REV3L: variants seen among roughly 807,000 people sequenced by gnomAD.
The protein encoded by REV3L is REV3 like, DNA directed polymerase zeta catalytic subunit, also known as DNA polymerase zeta catalytic subunit.
In REV3L, 69 loss-of-function variants were observed where a neutral mutation model predicts 299.4. The ratio of observed to expected loss-of-function variants is 0.23; its 90% confidence interval spans 0.19 to 0.28. REV3L has a LOEUF of 0.28. Among genes scored for constraint, REV3L ranks in the 10% least tolerant of loss-of-function variants. REV3L has a pLI of 1.00. For missense variants in REV3L, 3,128 were observed against 3,693.8 expected (o/e 0.85, Z 3.97); for synonymous variants, 1,238 against 1,271.4 (o/e 0.97, Z 0.56).
intron 25 of REV3L, among the ~76,000 whole-genome samples, chr6:111,323,239 C>T (rs240964): frequency 0.75 from 114,391 of 152,136 alleles, 43,613 homozygotes; most frequent in Non-Finnish European, 0.82. Context: ...CCACCCACCT[C>T]GGCCTCCCAA....
At chr6:111,449,260 A>G (rs1789223904) in intron 1 of REV3L, among the ~76,000 whole-genome samples, 1 of 152,204 alleles carries the variant, frequency 6.6e-6, no homozygotes, top group Non-Finnish European at 1.5e-5. Flanking sequence ...CTTCTTCAAT[A>G]GCTCCCCACT....
chr6:111,321,125 C>T (rs1362845422), intron 26 of REV3L, among the ~76,000 whole-genome samples: 1 of 141,974 alleles, frequency 7.0e-6, no homozygotes, highest in Non-Finnish European at 1.5e-5. Context: ...TGACTAGTTG[C>T]AAGATCTTAA....
At chr6:111,393,041 A>AT in intron 4 of REV3L, 69 bp from the exon 5 acceptor site, 3 of 1,201,864 alleles carry the variant, frequency 2.5e-6, no homozygotes, top group Admixed American at 1.9e-5. Flanking sequence ...TTAGAAGGTA[A>AT]ATTTTTTTTT....
intron 15 of REV3L, among the ~76,000 whole-genome samples, chr6:111,364,465 T>C (rs921430412): frequency 6.5e-5 from 9 of 139,320 alleles, no homozygotes; most frequent in Non-Finnish European, 1.5e-4. Context: ...ATGGAATCTT[T>C]CCATTTCTTA....
At chr6:111,306,405 G>GGATA (rs1320016377) in intron 31 of REV3L, among the ~76,000 whole-genome samples, 2 of 152,058 alleles carry the variant, frequency 1.3e-5, no homozygotes, top group Non-Finnish European at 2.9e-5. Flanking sequence ...CGTGACAGAG[G>GGATA]GATAGCAGGT....
In REV3L at chr6:111,482,730, C is replaced by A. The variant is rs1562384622; in HGVS notation, c.139+20G>T. 3 of 1,336,104 alleles carry A rather than the reference C, an allele frequency of 2.2e-6. No individual in the cohort carries two copies. The highest frequency in any genetic ancestry group is 2.9e-6 in the Non-Finnish European group (3 of 1,035,980). 82.8% of individuals were successfully genotyped at this position (1,336,104 alleles called of 1,614,324 possible). On this transcript the variant is annotated intron_variant, in intron 1 of 31. Transcript: ENST00000368802. ...GCCCCGCCGACTCCCGCTCCCGCCC[C>A]GCGCCCGGCGCCCGCTTACCTGCCG...
At chr6:111,420,052 A>T (rs1031845639) in intron 1 of REV3L, among the ~76,000 whole-genome samples, 3 of 151,988 alleles carry the variant, frequency 2.0e-5, no homozygotes, top group Admixed American at 6.5e-5. Context: ...TCACCGTGTT[A>T]ATCAGGATGG....
intron 5 of REV3L, 182 bp downstream of exon 5, chr6:111,392,694 G>A (rs576903393): frequency 1.3e-5 from 6 of 460,526 alleles, no homozygotes; most frequent in Admixed American, 1.0e-4. Flanking sequence ...CATTTTCATG[G>A]TTTGTTTTTA....
intron 1 of REV3L, among the ~76,000 whole-genome samples, chr6:111,480,695 G>A (rs1216200228): frequency 1.3e-5 from 2 of 151,688 alleles, no homozygotes; most frequent in Non-Finnish European, 2.9e-5. Flanking sequence ...TTTAAAATTT[G>A]ACTTTCTCTG....
rs974966629 is a variant in REV3L at position 111,388,872 on chromosome 6, A to G, written c.862+234T>C. On this transcript the variant is annotated intron_variant, in intron 7 of 31. Coordinates refer to ENST00000368802, the MANE Select transcript of REV3L (RefSeq NM_001372078.1). Reference sequence around the variant, plus strand: ...GTGAGGCAAGAGGACAAGGTACATTAAAAACAAAGAACAGTAAAAACGTCA... The same window carrying G: ...GTGAGGCAAGAGGACAAGGTACATTGAAAACAAAGAACAGTAAAAACGTCA... Among the ~76,000 whole-genome samples, 8 of 152,234 alleles carry G rather than the reference A, an allele frequency of 5.3e-5. 1 individual carries two copies. Among genetic ancestry groups the G allele is most frequent in the African/African-American group, 1.9e-4 (8 of 41,460 alleles).
chr6:111,390,217 T>C lies in REV3L; in HGVS notation c.663-37A>G, dbSNP rs1485365970. On this transcript the variant is annotated intron_variant, in intron 5 of 31. Transcript: ENST00000368802. ...GGATATAAAAAACATAATAATTATG[T>C]GAGAGCAAACTTTCTAACATTTTTC... 12 of 1,290,332 alleles carry C rather than the reference T, an allele frequency of 9.3e-6. No homozygotes were observed. In the Admixed American group the frequency reaches 1.4e-4, roughly 15 times the overall value. The allele number at this position is 1,290,332 out of a possible 1,614,324, so 79.9% of individuals were successfully genotyped here.
intron 1 of REV3L, among the ~76,000 whole-genome samples, chr6:111,423,212 T>A (rs927328160): frequency 6.6e-6 from 1 of 151,870 alleles, no homozygotes; most frequent in Non-Finnish European, 1.5e-5. Flanking sequence ...GATGAATAAA[T>A]AGGCAATTAC....
chr6:111,346,720 C>A (rs1178400664), intron 20 of REV3L, among the ~76,000 whole-genome samples: 1 of 152,128 alleles, frequency 6.6e-6, no homozygotes, highest in African/African-American at 2.4e-5. Flanking sequence ...GCATAAAGAT[C>A]AGAGATACTA....
Position 111,375,215 on chromosome 6 carries a change from C to T in REV3L, c.3140G>A (p.Arg1047Lys). 4 of 1,612,278 alleles carry T rather than the reference C, an allele frequency of 2.5e-6. No individual in the cohort carries two copies. The highest frequency in any genetic ancestry group is 2.2e-5 in the South Asian group (2 of 90,166). The change falls in exon 13 of 32, where the codon AGA becomes AAA. Residue 1047 changes from arginine (R) to lysine (K), a missense_variant. Arg to Lys is a conservative substitution (Grantham distance 26). This residue lies in a region of REV3L where 2,409 missense variants were observed against 2,611.8 expected (regional missense o/e 0.92). Coordinates refer to ENST00000368802, the MANE Select transcript of REV3L (RefSeq NM_001372078.1). ...AGCAGATTTATGTTTTGACTTTCTTCTGTGACTTTTCTTTGGTGTTAGTGG... is the reference window on the plus strand; with the variant it reads ...AGCAGATTTATGTTTTGACTTTCTTTTGTGACTTTTCTTTGGTGTTAGTGG... Reference protein sequence around the residue: ...IYPLTPKKSHRRKSKHKSAKK... With the variant: ...IYPLTPKKSHKRKSKHKSAKK...
intron 18 of REV3L, among the ~76,000 whole-genome samples, chr6:111,354,749 T>G (rs1777924539): frequency 6.6e-6 from 1 of 152,198 alleles, no homozygotes; most frequent in African/African-American, 2.4e-5. Flanking sequence ...AGAATAAAGT[T>G]GGGTAGATGG....
At position 111,374,618 on chromosome 6, in the gene REV3L, T is replaced by C; in HGVS notation, c.3737A>G (p.Gln1246Arg). The change falls in exon 13 of 32, where the codon CAG (glutamine) becomes CGG (arginine). Residue 1246 changes from glutamine (Q) to arginine (R), a missense_variant. Physicochemically the swap from Gln to Arg is conservative, Grantham distance 43. This residue lies in a region of REV3L where 2,409 missense variants were observed against 2,611.8 expected (regional missense o/e 0.92). Transcript: ENST00000368802. ...ACTACTTGCAAATTCAGACACATTC[T>C]GGTGTTTCAGTACAAACTTAACCTC... ...GAEVKFVLKHQNVSEFASSSG... is the reference protein window; with the variant it reads ...GAEVKFVLKHRNVSEFASSSG... 3 of 1,613,714 alleles carry C rather than the reference T, an allele frequency of 1.9e-6. No homozygotes were observed. Among genetic ancestry groups the C allele is most frequent in the South Asian group, 1.1e-5 (1 of 90,936 alleles).
At chr6:111,463,608 A>G (rs1007195891) in intron 1 of REV3L, among the ~76,000 whole-genome samples, 1 of 152,196 alleles carries the variant, frequency 6.6e-6, no homozygotes, top group African/African-American at 2.4e-5. Context: ...TTTCACTAAA[A>G]TATTTAAGAC....
chr6:111,326,591 A>C, intron 25 of REV3L, among the ~76,000 whole-genome samples: 1 of 145,062 alleles, frequency 6.9e-6, no homozygotes. Context: ...CAGATATCCC[A>C]CTGCTGGGTA....
At chr6:111,433,298 T>A (rs1787165606) in intron 1 of REV3L, among the ~76,000 whole-genome samples, 1 of 151,606 alleles carries the variant, frequency 6.6e-6, no homozygotes, top group Non-Finnish European at 1.5e-5. Context: ...TAACAAACCT[T>A]TAGCTAGGCT....
Sources: allele counts gnomAD v4.1 joint callset (sites outside exome capture counted in the v4.1 genomes callset), GRCh38; gene constraint gnomAD v4.1.1; regional missense constraint gnomAD v4.1.1; transcripts MANE v1.5; gene names NCBI Gene and HGNC (gene_info 2026-07-23, HGNC 2026-07-21).